GLT1D1: variants seen among roughly 807,000 people sequenced by gnomAD.
GLT1D1 encodes the protein glycosyltransferase 1 domain-containing protein 1.
In GLT1D1, 21 loss-of-function variants were observed where a neutral mutation model predicts 28.7. The observed-to-expected ratio is 0.73, with a 90% CI of 0.52 to 1.05. The LOEUF is 1.05. GLT1D1 is among the 50% of genes least tolerant of loss of function. The probability of loss-of-function intolerance (pLI) is 0.00; values close to 1 mark genes in which losing one functional copy is unlikely to be tolerated. For missense variants in GLT1D1, 343 were observed against 330.6 expected, an observed-to-expected ratio of 1.04 and a Z score of -0.29; for synonymous variants, 147 against 124.8, an observed-to-expected ratio of 1.18 and a Z score of -1.19.
At chr12:128,883,630 G>A (rs1214458880) in intron 2 of GLT1D1, among the ~76,000 whole-genome samples, 1 of 151,464 alleles carries the variant, frequency 6.6e-6, no homozygotes, top group Admixed American at 6.6e-5. Context: ...CCAAGTTTAG[G>A]AAGCTATGAT....
intron 7 of GLT1D1, among the ~76,000 whole-genome samples, chr12:128,969,447 T>C (rs1711354): frequency 0.1 from 15,377 of 149,236 alleles, 1,632 homozygotes; most frequent in African/African-American, 0.28. Flanking sequence ...CAGCCAGAGG[T>C]GGGAAGAGAA....
intron 4 of GLT1D1, 65 bp downstream of exon 7, chr12:128,926,519 T>G (rs1873239356): frequency 2.4e-6 from 2 of 826,268 alleles, no homozygotes; most frequent in Non-Finnish European, 3.9e-6. Context: ...ATCTCAGCAT[T>G]TCTCTCTTCA....
intron 7 of GLT1D1, among the ~76,000 whole-genome samples, chr12:128,966,935 G>A (rs479183): frequency 0.058 from 8,851 of 151,980 alleles, 848 homozygotes; most frequent in African/African-American, 0.2. Flanking sequence ...TTTCTTTACC[G>A]CCACAATCCT....
At chr12:128,917,346 G>A (rs1593128193) in intron 4 of GLT1D1, among the ~76,000 whole-genome samples, 1 of 152,116 alleles carries the variant, frequency 6.6e-6, no homozygotes, top group East Asian at 1.9e-4. Flanking sequence ...GTAAAATCCT[G>A]TTACATTGAA....
chr12:128,917,628 GC>G (rs771423518), intron 4 of GLT1D1, among the ~76,000 whole-genome samples: 4 of 152,094 alleles, frequency 2.6e-5, no homozygotes, highest in Admixed American at 6.6e-5. Flanking sequence ...TCAATTCTCT[GC>G]CCTCAGCAAA....
At chr12:128,971,009 C>A (rs1878986029) in intron 7 of GLT1D1, among the ~76,000 whole-genome samples, 1 of 152,202 alleles carries the variant, frequency 6.6e-6, no homozygotes, top group Non-Finnish European at 1.5e-5. Context: ...TTATTTTCAT[C>A]TGATAGTGAG....
intron 4 of GLT1D1, 132 bp from the exon 8 acceptor site, chr12:128,926,970 CTAA>C (rs1873289129): frequency 5.3e-6 from 3 of 569,900 alleles, no homozygotes; most frequent in African/African-American, 3.8e-5. Flanking sequence ...TTTAAATTGC[CTAA>C]TATTATGAAT....
intron 4 of GLT1D1, among the ~76,000 whole-genome samples, chr12:128,918,848 CTG>C (rs1489475518): frequency 3.9e-5 from 6 of 152,220 alleles, no homozygotes; most frequent in African/African-American, 1.4e-4. Flanking sequence ...TCAGGGTTGA[CTG>C]TTTCGTTGGT....
At chr12:128,939,838 C>CA (rs1566153502) in intron 4 of GLT1D1, among the ~76,000 whole-genome samples, 1 of 42,034 alleles carries the variant, frequency 2.4e-5, no homozygotes, top group South Asian at 9.1e-4. Flanking sequence ...TTGTTAGAAA[C>CA]CCCCCCCCAC....
At chr12:128,870,236 C>T (rs1259861132) in intron 1 of GLT1D1, among the ~76,000 whole-genome samples, 2 of 151,986 alleles carry the variant, frequency 1.3e-5, no homozygotes, top group Non-Finnish European at 1.5e-5. Flanking sequence ...AATAAATTTG[C>T]ACTCCAGCAA....
chr12:128,939,846 C>G lies in GLT1D1; in HGVS notation c.376-5480C>G, dbSNP rs561389703. Reference sequence around the variant, plus strand: ...TGCCAAATTGTTAGAAACCCCCCCCCACCGCCGATCCAATCACCTCCTACC... The same window carrying G: ...TGCCAAATTGTTAGAAACCCCCCCCGACCGCCGATCCAATCACCTCCTACC... On this transcript the variant is annotated intron_variant, in intron 4 of 7. Coordinates refer to ENST00000281703, the MANE Select transcript of GLT1D1 (RefSeq NM_144669.3). Among the ~76,000 whole-genome samples, 42 of 131,104 alleles carry G rather than the reference C, an allele frequency of 3.2e-4. 3 individuals carry two copies. Among genetic ancestry groups the G allele is most frequent in the African/African-American group, 5.9e-4 (22 of 37,430 alleles). 86.0% of individuals were successfully genotyped at this position (131,104 alleles called of 152,430 possible). A position where few individuals can be genotyped will look rare whatever the true frequency, so the allele number is the denominator to read the frequency against.
Position 128,874,118 on chromosome 12 carries a change from CTCTCTCTCTTTCTTTCTT to C in GLT1D1, c.69-1792_69-1775del, listed in dbSNP as rs1475791204. Among the ~76,000 whole-genome samples the C allele has an allele frequency of 5.3e-3, 342 of 64,018 alleles. 4 individuals carry two copies. The highest frequency in any genetic ancestry group is 8.4e-3 in the Non-Finnish European group (295 of 35,084). 42.0% of individuals were successfully genotyped at this position (64,018 alleles called of 152,430 possible). ...TTTCTTTCTCTCTCTCTCTCTCTCT[CTCTCTCTCTTTCTTTCTT>C]TCTTTCTTTCTTTCTTTCTTTCTTT... On this transcript the variant is annotated intron_variant, in intron 1 of 7. Coordinates refer to ENST00000281703, the MANE Select transcript of GLT1D1 (RefSeq NM_144669.3).
intron 1 of GLT1D1, among the ~76,000 whole-genome samples, chr12:128,864,690 C>G (rs1440425079): frequency 1.3e-5 from 2 of 152,050 alleles, no homozygotes; most frequent in Admixed American, 6.6e-5. Context: ...CTAAGGGGCT[C>G]GGGCATATTT....
intron 7 of GLT1D1, among the ~76,000 whole-genome samples, chr12:128,978,716 G>A (rs986440744): frequency 1.3e-5 from 2 of 152,118 alleles, no homozygotes; most frequent in Non-Finnish European, 2.9e-5. Context: ...GGAAAGTGAG[G>A]GAGTAGAAGA....
intron 4 of GLT1D1, among the ~76,000 whole-genome samples, chr12:128,918,764 C>T (rs1193371379): frequency 6.6e-6 from 1 of 152,184 alleles, no homozygotes; most frequent in East Asian, 1.9e-4. Context: ...CAATCTATCA[C>T]AGGACGCAAT....
intron 4 of GLT1D1, among the ~76,000 whole-genome samples, chr12:128,909,576 A>G (rs1437867093): frequency 6.6e-6 from 1 of 152,242 alleles, no homozygotes; most frequent in Non-Finnish European, 1.5e-5. Flanking sequence ...TGTCATCTGT[A>G]GAGCATAAAA....
chr12:128,900,164 G>T (rs747075806), intron 4 of GLT1D1, among the ~76,000 whole-genome samples: 2 of 152,172 alleles, frequency 1.3e-5, no homozygotes, highest in Non-Finnish European at 2.9e-5. Flanking sequence ...AAAAACCAAA[G>T]GTCAGTTTCC....
At chr12:128,881,561 A>ATATATATAT (rs1201275552) in intron 2 of GLT1D1, among the ~76,000 whole-genome samples, 1 of 33,726 alleles carries the variant, frequency 3.0e-5, no homozygotes, top group Non-Finnish European at 5.2e-5. Flanking sequence ...AAAAAAAAAA[A>ATATATATAT]ATATATATAT....
At chr12:128,964,429 C>T (rs1202992037) in intron 7 of GLT1D1, among the ~76,000 whole-genome samples, 3 of 152,178 alleles carry the variant, frequency 2.0e-5, no homozygotes, top group African/African-American at 7.2e-5. Context: ...ACCCAGTCAC[C>T]TCCCAAAGAC....
Sources: gnomAD v4.1 joint callset for allele counts (sites outside exome capture counted in the v4.1 genomes callset) on GRCh38, gnomAD v4.1.1 for gene constraint, MANE v1.5 for transcripts, NCBI Gene and HGNC (gene_info 2026-07-23, HGNC 2026-07-21) for gene names.